UBE2Q2: variants seen among roughly 807,000 people sequenced by gnomAD.
UBE2Q2 encodes the protein ubiquitin-conjugating enzyme E2 Q2.
In UBE2Q2, 54 loss-of-function variants were observed where a neutral mutation model predicts 59.9. That is an observed-to-expected ratio of 0.90 (90% CI 0.72 to 1.13). UBE2Q2 has a LOEUF of 1.13. Among genes scored for constraint, UBE2Q2 ranks in the 50% most tolerant of loss-of-function variants. UBE2Q2 has a pLI of 0.00. For synonymous variants in UBE2Q2, 165 were observed against 155.2 expected (o/e 1.06, Z -0.47); for missense variants, 433 against 441.9 (o/e 0.98, Z 0.18).
At chr15:75,875,042 A>G (rs1898000560) in intron 5 of UBE2Q2, among the ~76,000 whole-genome samples, 1 of 152,198 alleles carries the variant, frequency 6.6e-6, no homozygotes, top group Non-Finnish European at 1.5e-5. Context: ...ATTACTTAAA[A>G]AACAAAGTTT....
chr15:75,880,528 C>G lies in UBE2Q2; in HGVS notation c.825+1340C>G, dbSNP rs562372140. Among the ~76,000 whole-genome samples the G allele has an allele frequency of 4.0e-5, 6 of 151,180 alleles. 1 individual carries two copies. In the South Asian group the frequency reaches 1.3e-3, roughly 32 times the overall value. ...ACAGAATCTTGCTCTGTTGCCCAGG[C>G]TGGAGTGCAGTGGCCCAGGCTGGCG... is the stretch of plus-strand genomic sequence containing the variant. On this transcript the variant is annotated intron_variant, in intron 8 of 12. Coordinates refer to ENST00000267938, the MANE Select transcript of UBE2Q2 (RefSeq NM_173469.4).
intron 1 of UBE2Q2, among the ~76,000 whole-genome samples, chr15:75,853,714 T>A (rs1896757461): frequency 6.6e-6 from 1 of 152,158 alleles, no homozygotes; most frequent in South Asian, 2.1e-4. Flanking sequence ...TTGGGTTCAC[T>A]GGCTTGGCCT....
At chr15:75,876,093 G>A (rs1268967981) in intron 5 of UBE2Q2, 94 bp from the exon 6 acceptor site, 8 of 1,112,274 alleles carry the variant, frequency 7.2e-6, no homozygotes, top group Non-Finnish European at 1.0e-5. Context: ...ATGTTGAGTG[G>A]TGATCCATTT....
At chr15:75,856,875 A>C (rs1280556742) in intron 2 of UBE2Q2, among the ~76,000 whole-genome samples, 2 of 151,718 alleles carry the variant, frequency 1.3e-5, no homozygotes, top group South Asian at 2.1e-4. Flanking sequence ...CCTGGGAGGC[A>C]GGTTGCAGTG....
chr15:75,844,245 C>T (rs1034322664), intron 1 of UBE2Q2: 15 of 1,495,658 alleles, frequency 1.0e-5, no homozygotes, highest in Non-Finnish European at 1.3e-5. Flanking sequence ...CCCAGGCCGG[C>T]AAGGGGAACG....
At chr15:75,850,253 A>T (rs531963870) in intron 1 of UBE2Q2, among the ~76,000 whole-genome samples, 3 of 152,188 alleles carry the variant, frequency 2.0e-5, no homozygotes, top group Non-Finnish European at 4.4e-5. Context: ...TGATTCTACC[A>T]CTCAGAATAT....
At chr15:75,889,201 A>G (rs982399154) in intron 9 of UBE2Q2, among the ~76,000 whole-genome samples, 8 of 152,216 alleles carry the variant, frequency 5.3e-5, no homozygotes, top group African/African-American at 1.9e-4. Flanking sequence ...TAATCCCATG[A>G]ACCTTCGCCT....
chr15:75,861,958 T>G (rs1897226789), intron 3 of UBE2Q2, among the ~76,000 whole-genome samples: 1 of 152,204 alleles, frequency 6.6e-6, no homozygotes, highest in Admixed American at 6.5e-5. Context: ...TGCCTTGGTG[T>G]TTCTTCATCT....
chr15:75,883,081 C>G (rs1056182347), intron 8 of UBE2Q2, among the ~76,000 whole-genome samples: 1 of 152,082 alleles, frequency 6.6e-6, no homozygotes, highest in Non-Finnish European at 1.5e-5. Context: ...TCTAAGTTAC[C>G]TAGTCTATCA....
rs1899711965 is a variant in UBE2Q2 at position 75,900,804 on chromosome 15, A to T, written c.*1346A>T. 1 of 152,638 alleles carries T rather than the reference A, an allele frequency of 6.6e-6. No homozygotes were observed. The highest frequency in any genetic ancestry group is 1.5e-5 in the Non-Finnish European group (1 of 68,040). 9.5% of individuals were successfully genotyped at this position (152,638 alleles called of 1,614,324 possible). The stretch of plus-strand genomic sequence containing the variant: ...ACATTTGTATAAAGTTCTGATTGCC[A>T]GTTGCTCAGATAACAAGTGACAAGG... On this transcript the variant is annotated 3_prime_UTR_variant, in exon 13 of 13. Transcript: ENST00000267938.
chr15:75,893,508 A>G (rs1401371517), intron 11 of UBE2Q2, among the ~76,000 whole-genome samples: 4 of 152,230 alleles, frequency 2.6e-5, no homozygotes, highest in Admixed American at 6.5e-5. Flanking sequence ...GGAGATTTCA[A>G]CATACCCTGT....
intron 6 of UBE2Q2, 40 bp downstream of exon 6, chr15:75,876,311 T>C (rs966562418): frequency 4.0e-6 from 6 of 1,517,478 alleles, no homozygotes; most frequent in East Asian, 2.3e-5. Flanking sequence ...ATGATTCTTC[T>C]GCTCTTTTCT....
At chr15:75,893,307 A>C (rs775267252) in intron 11 of UBE2Q2, among the ~76,000 whole-genome samples, 5 of 152,242 alleles carry the variant, frequency 3.3e-5, no homozygotes, top group Non-Finnish European at 7.4e-5. Flanking sequence ...ACTAGAAACA[A>C]ATGATGCAGC....
intron 7 of UBE2Q2, among the ~76,000 whole-genome samples, chr15:75,878,678 A>G (rs1463290269): frequency 6.6e-6 from 1 of 151,056 alleles, no homozygotes; most frequent in Non-Finnish European, 1.5e-5. Context: ...GGACAGTTGT[A>G]GACAAATACA....
At chr15:75,884,424 G>A (rs1180046103) in intron 9 of UBE2Q2, among the ~76,000 whole-genome samples, 1 of 152,152 alleles carries the variant, frequency 6.6e-6, no homozygotes, top group Non-Finnish European at 1.5e-5. Flanking sequence ...TGCTTTACAT[G>A]CTTATATATG....
intron 12 of UBE2Q2, among the ~76,000 whole-genome samples, chr15:75,897,468 C>CT (rs1446998888): frequency 6.6e-6 from 1 of 152,158 alleles, no homozygotes; most frequent in African/African-American, 2.4e-5. Context: ...ATCCGCCCGC[C>CT]TCGGCCTCCC....
In UBE2Q2 at chr15:75,862,939, T is replaced by A. The variant is rs1264235289; in HGVS notation, c.387+2957T>A. 2.0e-5 allele frequency among the ~76,000 whole-genome samples: 3 copies of A among 152,210 alleles called. No individual in the cohort carries two copies. In the East Asian group the frequency reaches 5.8e-4, roughly 29 times the overall value. ...ATTGTTATTCCCTACCCCTCTATCT[T>A]ATCTCCTGGTGCAATCATAAATGAT... On this transcript the variant is annotated intron_variant, in intron 3 of 12. Coordinates refer to ENST00000267938, the MANE Select transcript of UBE2Q2 (RefSeq NM_173469.4).
intron 6 of UBE2Q2, among the ~76,000 whole-genome samples, chr15:75,877,479 GAA>G (rs35542322): frequency 1.3e-4 from 19 of 141,084 alleles, no homozygotes; most frequent in Middle Eastern, 3.6e-3. Flanking sequence ...TGTTTATATA[GAA>G]AAAAAAAAAC....
intron 6 of UBE2Q2, 44 bp downstream of exon 6, chr15:75,876,315 C>T (rs936876453): frequency 2.0e-6 from 3 of 1,496,436 alleles, no homozygotes; most frequent in South Asian, 1.2e-5. Flanking sequence ...TTCTTCTGCT[C>T]TTTTCTATTG....
Sources: allele counts gnomAD v4.1 joint callset (sites outside exome capture counted in the v4.1 genomes callset), GRCh38; gene constraint gnomAD v4.1.1; transcripts MANE v1.5; gene names NCBI Gene and HGNC (gene_info 2026-07-23, HGNC 2026-07-21).